The following NEK7 variants were observed in gnomAD, a reference collection of about 807,000 sequenced individuals.
NEK7 encodes the protein NIMA related kinase 7, also known as serine/threonine-protein kinase Nek7.
In NEK7, 18 loss-of-function variants were observed where a neutral mutation model predicts 44.6. The ratio of observed to expected loss-of-function variants is 0.40; its 90% CI spans 0.28 to 0.60. The LOEUF is 0.60. NEK7 is among the 20% of genes least tolerant of loss of function. NEK7 has a pLI of 0.38. For synonymous variants in NEK7, 130 were observed against 121.1 expected (o/e 1.07, Z -0.48); for missense variants, 256 against 366.5 (o/e 0.70, Z 2.46).
chr1:198,193,331 A>T (rs940373010), intron 1 of NEK7, among the ~76,000 whole-genome samples: 2 of 152,088 alleles, frequency 1.3e-5, no homozygotes, highest in Non-Finnish European at 2.9e-5. Flanking sequence ...CCTACTAACC[A>T]AAAAAAGCCC....
At chr1:198,203,551 A>G (rs749843027) in intron 1 of NEK7, among the ~76,000 whole-genome samples, 7 of 152,222 alleles carry the variant, frequency 4.6e-5, no homozygotes, top group Admixed American at 2.6e-4. Flanking sequence ...ATTGGTATCT[A>G]TTCCAGAGAA....
intron 9 of NEK7, among the ~76,000 whole-genome samples, chr1:198,310,726 C>T (rs1342661389): frequency 6.6e-6 from 1 of 152,084 alleles, no homozygotes; most frequent in Non-Finnish European, 1.5e-5. Context: ...TTGTTTTTCT[C>T]AGGTTTGTCA....
intron 7 of NEK7, among the ~76,000 whole-genome samples, chr1:198,288,200 A>C (rs1259020027): frequency 3.3e-5 from 5 of 152,250 alleles, no homozygotes; most frequent in African/African-American, 9.6e-5. Context: ...GCATATGTTC[A>C]GTCAGTACTA....
At chr1:198,239,138 T>C (rs1666616743) in intron 2 of NEK7, among the ~76,000 whole-genome samples, 1 of 152,226 alleles carries the variant, frequency 6.6e-6, no homozygotes, top group South Asian at 2.1e-4. Context: ...CATTTTACCA[T>C]TTCTAGTTCA....
intron 1 of NEK7, among the ~76,000 whole-genome samples, chr1:198,157,684 T>TC (rs2102686306): frequency 6.6e-6 from 1 of 152,298 alleles, no homozygotes; most frequent in African/African-American, 2.4e-5. Flanking sequence ...ATTGGTGAAG[T>TC]CCGTCTGTCA....
intron 3 of NEK7, among the ~76,000 whole-genome samples, chr1:198,256,073 T>C (rs1023793400): frequency 1.3e-5 from 2 of 152,202 alleles, no homozygotes; most frequent in Non-Finnish European, 2.9e-5. Flanking sequence ...CAACTTGTTA[T>C]TTTAAGGCTA....
chr1:198,280,943 A>G (rs1207085981), intron 7 of NEK7, among the ~76,000 whole-genome samples: 1 of 151,790 alleles, frequency 6.6e-6, no homozygotes, highest in Non-Finnish European at 1.5e-5. Flanking sequence ...TTTGTTTTAC[A>G]TATTATTTTG....
intron 1 of NEK7, among the ~76,000 whole-genome samples, chr1:198,180,623 TG>T (rs1664737781): frequency 6.6e-6 from 1 of 152,102 alleles, no homozygotes. Context: ...ATTTTGACCT[TG>T]TACTAATTTT....
intron 2 of NEK7, among the ~76,000 whole-genome samples, chr1:198,242,643 T>C (rs1666719375): frequency 1.3e-5 from 2 of 151,800 alleles, no homozygotes; most frequent in East Asian, 3.9e-4. Context: ...TTTGTATTTT[T>C]AGTACGGACG....
At chr1:198,186,951 C>T (rs985409069) in intron 1 of NEK7, among the ~76,000 whole-genome samples, 2 of 152,200 alleles carry the variant, frequency 1.3e-5, no homozygotes, top group East Asian at 1.9e-4. Flanking sequence ...TTAATTCATA[C>T]ATATCTTGGT....
At chr1:198,273,113 T>C (rs1653905599) in intron 5 of NEK7, among the ~76,000 whole-genome samples, 1 of 151,792 alleles carries the variant, frequency 6.6e-6, no homozygotes, top group Non-Finnish European at 1.5e-5. Context: ...GCACTCTTAA[T>C]AGATTTTCCA....
At chr1:198,211,052 G>A (rs1558058040) in intron 1 of NEK7, among the ~76,000 whole-genome samples, 1 of 152,066 alleles carries the variant, frequency 6.6e-6, no homozygotes, top group East Asian at 1.9e-4. Flanking sequence ...TATTCAACAT[G>A]CTTTATGGTT....
At chr1:198,217,797 TTAA>T (rs75361421) in intron 1 of NEK7, among the ~76,000 whole-genome samples, 19,316 of 147,800 alleles carry the variant, frequency 0.13, 1,908 homozygotes, top group East Asian at 0.57. Flanking sequence ...AATGAACAGG[TTAA>T]TAATCAAATC....
chr1:198,274,507 C>T lies in NEK7; in HGVS notation c.373-3454C>T, dbSNP rs547511765. Reference sequence around the variant, plus strand: ...CTTTTTTAAAGATTAACATGTCAAACTTTATGCTTAAATGTTTTGATATGC... The same window carrying T: ...CTTTTTTAAAGATTAACATGTCAAATTTTATGCTTAAATGTTTTGATATGC... On this transcript the variant is annotated intron_variant, in intron 5 of 9. Transcript: ENST00000367385. Among the ~76,000 whole-genome samples the T allele has an allele frequency of 1.4e-4, 21 of 151,776 alleles. 1 individual carries two copies. In the East Asian group the frequency reaches 3.9e-3, roughly 28 times the overall value.
intron 7 of NEK7, among the ~76,000 whole-genome samples, chr1:198,292,186 C>CAT (rs1214388595): frequency 6.6e-6 from 1 of 151,878 alleles, no homozygotes; most frequent in Non-Finnish European, 1.5e-5. Flanking sequence ...CAAAGTGTAA[C>CAT]ATATATGCTT....
intron 9 of NEK7, among the ~76,000 whole-genome samples, chr1:198,312,540 G>A (rs1451804503): frequency 3.3e-5 from 5 of 152,138 alleles, no homozygotes; most frequent in South Asian, 2.1e-4. Context: ...TAGGGTGTCA[G>A]TTTTGGATCT....
At chr1:198,234,722 T>C (rs943563095) in intron 2 of NEK7, among the ~76,000 whole-genome samples, 3 of 152,200 alleles carry the variant, frequency 2.0e-5, no homozygotes, top group East Asian at 3.9e-4. Context: ...ACTGTTCCTT[T>C]CGTTTATGCC....
intron 3 of NEK7, 36 bp from the exon 4 acceptor site, chr1:198,262,539 A>T: frequency 7.7e-7 from 1 of 1,303,010 alleles, no homozygotes; most frequent in Non-Finnish European, 1.1e-6. Flanking sequence ...ACCATAGGTT[A>T]TTATTTTATT....
Position 198,253,129 on chromosome 1 carries a change from T to A in NEK7, c.147T>A (p.Tyr49Ter). ...KIGRGQFSEV[Y>*]RAACLLDGVP... ...GTCGCGGACAATTTAGTGAAGTTTA[T>A]AGAGCAGCCTGTCTCTTGGATGGAG... The change falls in exon 3 of 10, where the codon TAT (tyrosine) becomes TAA (stop). Residue 49 changes from tyrosine (Y) to a stop codon, truncating the protein, a stop_gained. Coordinates refer to ENST00000367385, the MANE Select transcript of NEK7 (RefSeq NM_133494.3). LOFTEE classifies it high-confidence loss of function. 1 of 1,612,288 alleles carries A rather than the reference T, an allele frequency of 6.2e-7. No homozygotes were observed. Among genetic ancestry groups the A allele is most frequent in the Non-Finnish European group, 8.5e-7 (1 of 1,178,616 alleles).
Sources: gnomAD v4.1 joint callset for allele counts (sites outside exome capture counted in the v4.1 genomes callset) on GRCh38, gnomAD v4.1.1 for gene constraint, MANE v1.5 for transcripts, NCBI Gene and HGNC (gene_info 2026-07-23, HGNC 2026-07-21) for gene names.